MAGI3: variants seen among roughly 807,000 people sequenced by gnomAD.
MAGI3 encodes the protein membrane-associated guanylate kinase, WW and PDZ domain-containing protein 3.
Under a neutral mutation model 121.8 loss-of-function variants are expected in MAGI3, and 43 were observed. That is an observed-to-expected ratio of 0.35 (90% CI 0.28 to 0.46). The LOEUF is 0.46. Ranked by LOEUF, MAGI3 falls within the 20% of genes least tolerant of loss-of-function variation. The pLI is 1.00. For missense variants in MAGI3, 1,547 were observed against 1,797.3 expected, an observed-to-expected ratio of 0.86 and a Z score of 2.52; for synonymous variants, 553 against 639.3, an observed-to-expected ratio of 0.86 and a Z score of 2.04.
intron 1 of MAGI3, among the ~76,000 whole-genome samples, chr1:113,421,935 C>G (rs1652752643): frequency 6.6e-6 from 1 of 151,824 alleles, no homozygotes; most frequent in African/African-American, 2.4e-5. Context: ...ATTTGGTGAC[C>G]TGGATGCTGG....
rs1648458858 is a variant in MAGI3, at chr1:113,684,956, T to TAAAC, written c.*944_*947dup. The TAAAC allele has an allele frequency of 6.6e-6, 1 of 152,346 alleles. No individual in the cohort carries two copies. 9.4% of individuals were successfully genotyped at this position (152,346 alleles called of 1,614,324 possible). A position where few individuals can be genotyped will look rare whatever the true frequency, so the allele number is the denominator to read the frequency against. On this transcript the variant is annotated 3_prime_UTR_variant, in exon 21 of 21. Transcript: ENST00000307546. ...TAATACATAATACATATTTGAAAAG[T>TAAAC]AAACATATTATATAGATTATGTGAG...
At chr1:113,528,283 C>G (rs948705355) in intron 1 of MAGI3, among the ~76,000 whole-genome samples, 3 of 149,186 alleles carry the variant, frequency 2.0e-5, no homozygotes, top group African/African-American at 7.3e-5. Context: ...AAAATCTTCA[C>G]CTCCCCCAAC....
At chr1:113,664,636 G>A (rs1327849127) in intron 16 of MAGI3, among the ~76,000 whole-genome samples, 2 of 152,182 alleles carry the variant, frequency 1.3e-5, no homozygotes, top group Non-Finnish European at 2.9e-5. Flanking sequence ...ATTTAATATT[G>A]TCAGATTGTT....
At chr1:113,661,647 A>C (rs756701954) in intron 16 of MAGI3, among the ~76,000 whole-genome samples, 9 of 152,236 alleles carry the variant, frequency 5.9e-5, no homozygotes, top group Non-Finnish European at 1.2e-4. Flanking sequence ...TCTTAGAATA[A>C]AAGTTCCCTT....
chr1:113,679,340 G>C (rs1648074612), intron 19 of MAGI3, among the ~76,000 whole-genome samples: 1 of 152,080 alleles, frequency 6.6e-6, no homozygotes, highest in African/African-American at 2.4e-5. Flanking sequence ...AATTACAATT[G>C]AGAACATGAG....
At chr1:113,627,082 T>C (rs1651289272) in intron 9 of MAGI3, among the ~76,000 whole-genome samples, 1 of 152,080 alleles carries the variant, frequency 6.6e-6, no homozygotes, top group South Asian at 2.1e-4. Context: ...TAAATTTCCC[T>C]CTTAGTACTG....
intron 2 of MAGI3, among the ~76,000 whole-genome samples, chr1:113,553,038 T>C (rs1659846619): frequency 6.6e-6 from 1 of 152,150 alleles, no homozygotes. Flanking sequence ...GGGTGCTTGA[T>C]ACTTACTCCA....
intron 1 of MAGI3, among the ~76,000 whole-genome samples, chr1:113,453,914 G>A (rs989646789): frequency 6.6e-6 from 1 of 152,238 alleles, no homozygotes; most frequent in African/African-American, 2.4e-5. Context: ...CCCCTTGTGG[G>A]AAGTATTAGC....
At chr1:113,617,014 C>G (rs537427309) in intron 7 of MAGI3, among the ~76,000 whole-genome samples, 2 of 152,068 alleles carry the variant, frequency 1.3e-5, no homozygotes, top group African/African-American at 4.8e-5. Context: ...CCTCAGCCCC[C>G]CAGTAGCTGA....
At chr1:113,434,057 T>C (rs542821746) in intron 1 of MAGI3, among the ~76,000 whole-genome samples, 1 of 152,272 alleles carries the variant, frequency 6.6e-6, no homozygotes, top group South Asian at 2.1e-4. Context: ...AGCTCCAAAT[T>C]CATCCTTCAT....
chr1:113,621,306 A>G (rs1354624877), intron 8 of MAGI3, among the ~76,000 whole-genome samples: 2 of 152,182 alleles, frequency 1.3e-5, no homozygotes, highest in African/African-American at 4.8e-5. Context: ...AGCCATGAGA[A>G]GAGGTTGAGT....
At chr1:113,393,082 A>G (rs1650914774) in intron 1 of MAGI3, among the ~76,000 whole-genome samples, 1 of 152,344 alleles carries the variant, frequency 6.6e-6, no homozygotes, top group African/African-American at 2.4e-5. Context: ...TTTTTAGAAG[A>G]CTGAAGAGAT....
At chr1:113,549,468 A>C (rs941719728) in intron 1 of MAGI3, 47 bp from the exon 2 acceptor site, 1 of 1,089,268 alleles carries the variant, frequency 9.2e-7, no homozygotes, top group African/African-American at 1.6e-5. Flanking sequence ...TGAACGTCTA[A>C]AAATTATGCA....
intron 16 of MAGI3, among the ~76,000 whole-genome samples, chr1:113,660,325 A>C (rs1311562044): frequency 6.6e-6 from 1 of 152,056 alleles, no homozygotes; most frequent in Non-Finnish European, 1.5e-5. Flanking sequence ...CTTTTCTAAA[A>C]TAATCCCTTG....
At chr1:113,620,577 C>T (rs1344527672) in intron 8 of MAGI3, among the ~76,000 whole-genome samples, 1 of 152,182 alleles carries the variant, frequency 6.6e-6, no homozygotes, top group African/African-American at 2.4e-5. Flanking sequence ...TTCTGCATTT[C>T]GTTTAGCAAA....
chr1:113,456,893 CAT>C (rs970310335), intron 1 of MAGI3, among the ~76,000 whole-genome samples: 4 of 143,636 alleles, frequency 2.8e-5, no homozygotes, highest in African/African-American at 1.0e-4. Context: ...TGCAATAAAA[CAT>C]AACAGAAATT....
intron 1 of MAGI3, among the ~76,000 whole-genome samples, chr1:113,511,168 A>T (rs1357060213): frequency 2.0e-5 from 3 of 152,190 alleles, no homozygotes; most frequent in Admixed American, 1.3e-4. Flanking sequence ...TTGAACTGTA[A>T]AAGTGTCTAA....
chr1:113,444,209 A>G (rs1654057317), intron 1 of MAGI3, among the ~76,000 whole-genome samples: 1 of 152,178 alleles, frequency 6.6e-6, no homozygotes, highest in South Asian at 2.1e-4. Context: ...AGCTCATGGG[A>G]GCTAGAGTGG....
At chr1:113,574,198 AG>A (rs1159359549) in intron 2 of MAGI3, among the ~76,000 whole-genome samples, 1 of 152,132 alleles carries the variant, frequency 6.6e-6, no homozygotes, top group Non-Finnish European at 1.5e-5. Flanking sequence ...TTTACATTTA[AG>A]GTTAATATTG....
Sources: gnomAD v4.1 joint callset for allele counts (sites outside exome capture counted in the v4.1 genomes callset) on GRCh38, gnomAD v4.1.1 for gene constraint, MANE v1.5 for transcripts, NCBI Gene and HGNC (gene_info 2026-07-23, HGNC 2026-07-21) for gene names.